Variants in GLIS3 observed in about 807,000 individuals in gnomAD.
GLIS3 encodes the protein GLIS family zinc finger 3, also known as zinc finger protein GLIS3.
GLIS3 carries 53 observed loss-of-function variants against 78.6 expected under a neutral mutation model. That is an observed-to-expected ratio of 0.67 (90% confidence interval 0.54 to 0.85). The LOEUF is 0.85. Ranked by LOEUF, GLIS3 falls within the 40% of genes least tolerant of loss-of-function variation. The pLI, the probability that GLIS3 is intolerant of heterozygous loss-of-function variation, is 0.00. For synonymous variants in GLIS3, 684 were observed against 509.9 expected (o/e 1.34, Z -4.60); for missense variants, 1,703 against 1,231.1 (o/e 1.38, Z -5.74).
intron 4 of GLIS3, among the ~76,000 whole-genome samples, chr9:3,952,104 AT>A (rs1248448507): frequency 6.6e-6 from 1 of 150,776 alleles, no homozygotes; most frequent in Admixed American, 6.6e-5. Flanking sequence ...GGAAAAAAAA[AT>A]GCCTATTTAC....
chr9:3,950,264 T>C (rs1816590050), intron 4 of GLIS3, among the ~76,000 whole-genome samples: 1 of 152,202 alleles, frequency 6.6e-6, no homozygotes, highest in African/African-American at 2.4e-5. Flanking sequence ...CCATCCACTC[T>C]TGTCCTCACC....
chr9:4,263,250 G>C (rs549249552), intron 2 of GLIS3, among the ~76,000 whole-genome samples: 3 of 152,330 alleles, frequency 2.0e-5, no homozygotes, highest in South Asian at 2.1e-4. Context: ...CTGGGACAGA[G>C]AGGACAGGTG....
In GLIS3 at chr9:4,111,446, G is replaced by A. The variant is rs570309932; in HGVS notation, c.1710+6322C>T. On this transcript the variant is annotated intron_variant, in intron 4 of 10. Coordinates refer to ENST00000381971, the MANE Select transcript of GLIS3 (RefSeq NM_001042413.2). ...TAAGGACAAAGTTCATGAAAGGTCAGTTCCCCAGGTAAACTGAATTAAATG... is the reference window on the plus strand; with the variant it reads ...TAAGGACAAAGTTCATGAAAGGTCAATTCCCCAGGTAAACTGAATTAAATG... Among the ~76,000 whole-genome samples the A allele has an allele frequency of 1.3e-4, 20 of 152,320 alleles. No homozygotes were observed. In the South Asian group the frequency reaches 2.1e-3, roughly 16 times the overall value.
intron 4 of GLIS3, among the ~76,000 whole-genome samples, chr9:4,029,542 T>C (rs899846865): frequency 2.6e-5 from 4 of 152,172 alleles, no homozygotes; most frequent in African/African-American, 7.2e-5. Context: ...GTAGGTCTTA[T>C]GCATTCTTTC....
chr9:4,475,121 G>A, the GLIS3 span, among the ~76,000 whole-genome samples: 1 of 151,110 alleles, frequency 6.6e-6, no homozygotes, highest in Non-Finnish European at 1.5e-5. Context: ...AGCCTCCTGA[G>A]TAGCTGGGAT....
rs988116371 is a variant in GLIS3 at position 4,245,494 on chromosome 9, A to T, written c.388+40544T>A. ...ATGGTGTATGTACAGGAAACAACGT[A>T]GACAATATTAGAAAGGCAATTTGAA... On this transcript the variant is annotated intron_variant, in intron 2 of 10. Coordinates refer to ENST00000381971, the MANE Select transcript of GLIS3 (RefSeq NM_001042413.2). Among the ~76,000 whole-genome samples the T allele has an allele frequency of 2.4e-4, 36 of 152,260 alleles. 1 individual carries two copies. The highest frequency in any genetic ancestry group is 2.0e-4 in the Admixed American group (3 of 15,280).
At chr9:4,482,259 A>T in the GLIS3 span, among the ~76,000 whole-genome samples, 1 of 152,244 alleles carries the variant, frequency 6.6e-6, no homozygotes, top group Non-Finnish European at 1.5e-5. Flanking sequence ...AGTTCTATTG[A>T]AGCCAAGAGT....
At chr9:3,966,202 T>C (rs867535369) in intron 4 of GLIS3, among the ~76,000 whole-genome samples, 2 of 152,230 alleles carry the variant, frequency 1.3e-5, no homozygotes, top group African/African-American at 2.4e-5. Flanking sequence ...GAATGCTCAC[T>C]ATATAACTGT....
In GLIS3 at chr9:4,329,057, C is replaced by T. The variant is rs1398143455; in HGVS notation, n.264+18024G>A. Among the ~76,000 whole-genome samples, 3 of 152,164 alleles carry T rather than the reference C, an allele frequency of 2.0e-5. No individual in the cohort carries two copies. In the East Asian group the frequency reaches 5.8e-4, roughly 29 times the overall value. ...AGTCTCTCAAATCTTGCCTGCTTGCCAGGCTATCGTTTTAACACTTAGAGA... is the reference window on the plus strand; with the variant it reads ...AGTCTCTCAAATCTTGCCTGCTTGCTAGGCTATCGTTTTAACACTTAGAGA... On this transcript the variant is annotated intron_variant and non_coding_transcript_variant, in intron 2 of 4. Coordinates refer to the GLIS3 transcript ENST00000471664.
Position 4,118,343 on chromosome 9 carries a change from G to A in GLIS3, c.1135C>T (p.Leu379=). ...TCCTCGCCGTAGGCCGGCAGCGCCA[G>A]GCCTCCAGGGGCCACCAGCACGCCC... The part of the protein sequence containing the change: ...QKGVLVAPGG[L]ALPAYGEDGA... Residue 379 remains leucine (L), a synonymous_variant, in exon 4 of 11, where the codon CTG becomes TTG. Transcript: ENST00000381971. The surrounding 1 kb of genome is among the most constrained non-coding windows in gnomAD (Gnocchi z 4.7). 3 of 1,579,638 alleles carry A rather than the reference G, an allele frequency of 1.9e-6. No homozygotes were observed. The highest frequency in any genetic ancestry group is 1.1e-5 in the South Asian group (1 of 88,496).
At chr9:3,908,103 C>T (rs1018655063) in intron 6 of GLIS3, among the ~76,000 whole-genome samples, 1 of 152,096 alleles carries the variant, frequency 6.6e-6, no homozygotes, top group Non-Finnish European at 1.5e-5. Context: ...CCTTAATTTG[C>T]CAGAACAATA....
At chr9:3,877,331 G>A (rs921296943) in intron 8 of GLIS3, among the ~76,000 whole-genome samples, 5 of 152,234 alleles carry the variant, frequency 3.3e-5, no homozygotes, top group Admixed American at 2.6e-4. Context: ...TGAACTTAAT[G>A]GATGGTTATC....
At chr9:4,201,467 T>C (rs557533553) in intron 2 of GLIS3, among the ~76,000 whole-genome samples, 45 of 152,328 alleles carry the variant, frequency 3.0e-4, no homozygotes, top group Admixed American at 1.2e-3. Context: ...CTAGAACTGA[T>C]AAACGACTTC....
intron 1 of GLIS3, among the ~76,000 whole-genome samples, chr9:4,290,474 C>G (rs997543766): frequency 6.6e-6 from 1 of 152,082 alleles, no homozygotes; most frequent in African/African-American, 2.4e-5. Context: ...GTTAATAGGT[C>G]CCTGCTATTC....
chr9:4,284,324 T>A (rs934930095), intron 2 of GLIS3, among the ~76,000 whole-genome samples: 2 of 152,168 alleles, frequency 1.3e-5, no homozygotes, highest in African/African-American at 4.8e-5. Context: ...CCATTATTAG[T>A]GTCAGTCAGG....
In GLIS3 at chr9:4,145,993, C is replaced by G. The variant is rs145152081; in HGVS notation, c.389-20052G>C. The stretch of plus-strand genomic sequence containing the variant: ...AAAGGCATGGACAATTGAGACAAAG[C>G]ACAACATTCATAACTAATTTGGCAA... On this transcript the variant is annotated intron_variant, in intron 2 of 10. Coordinates refer to ENST00000381971, the MANE Select transcript of GLIS3 (RefSeq NM_001042413.2). 7.2e-5 allele frequency among the ~76,000 whole-genome samples: 11 copies of G among 152,266 alleles called. 1 individual carries two copies. Among genetic ancestry groups the G allele is most frequent in the African/African-American group, 2.6e-4 (11 of 41,540 alleles).
intron 7 of GLIS3, among the ~76,000 whole-genome samples, chr9:3,885,256 T>C (rs955416850): frequency 2.6e-5 from 4 of 152,228 alleles, no homozygotes; most frequent in South Asian, 4.1e-4. Context: ...CAATTAGTTA[T>C]ATGCATCCTT....
chr9:4,423,780 T>C, the GLIS3 span, among the ~76,000 whole-genome samples: 2 of 152,204 alleles, frequency 1.3e-5, no homozygotes, highest in East Asian at 1.9e-4. Flanking sequence ...CTGGTATTTC[T>C]AGACCTTCGG....
chr9:4,195,358 G>A (rs1306134143), intron 2 of GLIS3, among the ~76,000 whole-genome samples: 2 of 152,212 alleles, frequency 1.3e-5, no homozygotes, highest in East Asian at 1.9e-4. Context: ...GCGAGTTCTG[G>A]GTGGGCGTGG....
Sources: gnomAD v4.1 joint callset for allele counts (sites outside exome capture counted in the v4.1 genomes callset) on GRCh38, gnomAD v4.1.1 for gene constraint, Gnocchi (gnomAD v3.1) non-coding constraint, MANE v1.5 for transcripts, NCBI Gene and HGNC (gene_info 2026-07-23, HGNC 2026-07-21) for gene names.